HMGCLL1: variants seen among roughly 807,000 people sequenced by gnomAD.
HMGCLL1 encodes the protein 3-hydroxy-3-methylglutaryl-CoA lyase like 1.
HMGCLL1 carries 36 observed loss-of-function variants against 39.1 expected under a neutral mutation model. The ratio of observed to expected loss-of-function variants is 0.92; its 90% CI spans 0.71 to 1.22. HMGCLL1 has a LOEUF of 1.22. Among genes scored for constraint, HMGCLL1 ranks in the 50% most tolerant of loss-of-function variants. The pLI is 0.00. For synonymous variants in HMGCLL1, 149 were observed against 144.0 expected, an observed-to-expected ratio of 1.03 and a Z score of -0.25; for missense variants, 451 against 416.5, an observed-to-expected ratio of 1.08 and a Z score of -0.72.
chr6:55,448,139 C>A (rs1007150981), intron 7 of HMGCLL1, among the ~76,000 whole-genome samples: 1 of 151,816 alleles, frequency 6.6e-6, no homozygotes, highest in East Asian at 1.9e-4. Context: ...AAGAAGACAG[C>A]CAGAAATATT....
intron 6 of HMGCLL1, 25 bp downstream of exon 6, chr6:55,499,211 C>A: frequency 6.3e-7 from 1 of 1,588,254 alleles, no homozygotes; most frequent in Admixed American, 1.8e-5. Flanking sequence ...TACCATAAAC[C>A]AAAAAAGCTG....
At chr6:55,642,467 A>G in the HMGCLL1 span, among the ~76,000 whole-genome samples, 1 of 152,082 alleles carries the variant, frequency 6.6e-6, no homozygotes. Flanking sequence ...TTTTAAAAAA[A>G]ATTTATGGGT....
At chr6:55,510,514 C>T (rs913858661) in intron 5 of HMGCLL1, among the ~76,000 whole-genome samples, 1 of 150,902 alleles carries the variant, frequency 6.6e-6, no homozygotes, top group Admixed American at 6.6e-5. Context: ...AATTGGAAAT[C>T]ATCATTCTCG....
chr6:55,580,645 G>A (rs1403591376), upstream of HMGCLL1, among the ~76,000 whole-genome samples: 1 of 151,980 alleles, frequency 6.6e-6, no homozygotes, highest in Non-Finnish European at 1.5e-5. Flanking sequence ...TCGATCTCCT[G>A]ACCTCGTGGT....
chr6:55,618,178 T>C, the HMGCLL1 span, among the ~76,000 whole-genome samples: 3 of 152,080 alleles, frequency 2.0e-5, no homozygotes, highest in African/African-American at 7.2e-5. Context: ...GATGTTATAA[T>C]TGGTAAGAGA....
At chr6:55,564,064 T>C (rs1276241802) in intron 1 of HMGCLL1, 1 of 405,618 alleles carries the variant, frequency 2.5e-6, no homozygotes, top group African/African-American at 2.1e-5. Context: ...ATAGCATAAA[T>C]TCAAGTTCAA....
the HMGCLL1 span, among the ~76,000 whole-genome samples, chr6:55,663,666 A>G: frequency 6.6e-6 from 1 of 151,800 alleles, no homozygotes; most frequent in Non-Finnish European, 1.5e-5. Flanking sequence ...TTAGGTGGAG[A>G]GCTCTGGAGA....
chr6:55,568,898 T>A (rs767957881), intron 1 of HMGCLL1, among the ~76,000 whole-genome samples: 5 of 151,280 alleles, frequency 3.3e-5, no homozygotes, highest in Non-Finnish European at 5.9e-5. Context: ...TGGAAGGGGA[T>A]AGACACAGAA....
the HMGCLL1 span, among the ~76,000 whole-genome samples, chr6:55,630,573 T>A: frequency 6.6e-6 from 1 of 151,850 alleles, no homozygotes; most frequent in Non-Finnish European, 1.5e-5. Flanking sequence ...AGGGGTGAAA[T>A]GATATAATTT....
In HMGCLL1 at chr6:55,579,120, G is replaced by A; in HGVS notation, c.-65C>T. On this transcript the variant is annotated 5_prime_UTR_variant, in exon 1 of 9. Coordinates refer to ENST00000274901, the MANE Select transcript of HMGCLL1 (RefSeq NM_001042406.2). ...TGGAGGAGGATGAGGGGCGGGCACC[G>A]CGCTGGGAAACTGCGCCAGCTCGGG... The A allele has an allele frequency of 7.8e-7, 1 of 1,278,690 alleles. No homozygotes were observed. The highest frequency in any genetic ancestry group is 1.1e-6 in the Non-Finnish European group (1 of 898,496). The allele number at this position is 1,278,690 out of a possible 1,614,324, so 79.2% of individuals were successfully genotyped here.
chr6:55,522,517 A>G (rs1768090835), intron 3 of HMGCLL1, among the ~76,000 whole-genome samples: 1 of 151,956 alleles, frequency 6.6e-6, no homozygotes, highest in Non-Finnish European at 1.5e-5. Flanking sequence ...TACATAAGGA[A>G]CTGAGAGTTC....
chr6:55,632,387 T>C, the HMGCLL1 span, among the ~76,000 whole-genome samples: 1 of 150,624 alleles, frequency 6.6e-6, no homozygotes, highest in Non-Finnish European at 1.5e-5. Context: ...TGAATGAACA[T>C]ATTTTAATAT....
intron 3 of HMGCLL1, among the ~76,000 whole-genome samples, chr6:55,529,053 T>C (rs895661047): frequency 3.9e-5 from 6 of 152,220 alleles, no homozygotes; most frequent in Non-Finnish European, 8.8e-5. Context: ...TCAATAGCAT[T>C]TCCTAGTTTC....
the HMGCLL1 span, among the ~76,000 whole-genome samples, chr6:55,613,529 G>T: frequency 3.2e-4 from 48 of 152,142 alleles, no homozygotes; most frequent in Non-Finnish European, 6.2e-4. Flanking sequence ...CAATAGCAAA[G>T]ACATGGAACC....
the HMGCLL1 span, among the ~76,000 whole-genome samples, chr6:55,588,591 C>T: frequency 6.6e-6 from 1 of 151,832 alleles, no homozygotes; most frequent in East Asian, 1.9e-4. Flanking sequence ...ACAAAAAACC[C>T]TTTAAAAAAA....
At chr6:55,622,061 T>C in the HMGCLL1 span, among the ~76,000 whole-genome samples, 1 of 152,148 alleles carries the variant, frequency 6.6e-6, no homozygotes. Context: ...ACCTTCTTGA[T>C]TTCTTTTTCA....
chr6:55,583,998 A>G (rs1331701937), upstream of HMGCLL1, among the ~76,000 whole-genome samples: 2 of 152,042 alleles, frequency 1.3e-5, no homozygotes, highest in Non-Finnish European at 2.9e-5. Context: ...CCAATGGTTC[A>G]TGTTCATGGC....
intron 7 of HMGCLL1, among the ~76,000 whole-genome samples, chr6:55,445,064 G>A (rs952159795): frequency 1.3e-5 from 2 of 151,930 alleles, no homozygotes; most frequent in Admixed American, 6.6e-5. Flanking sequence ...CAATTTTAAA[G>A]AGTTTATTCA....
At chr6:55,516,080 T>C (rs1767721181) in intron 4 of HMGCLL1, among the ~76,000 whole-genome samples, 1 of 151,934 alleles carries the variant, frequency 6.6e-6, no homozygotes, top group Admixed American at 6.6e-5. Context: ...AAAATGACAA[T>C]TAGCTTTTCA....
Sources: allele counts gnomAD v4.1 joint callset (sites outside exome capture counted in the v4.1 genomes callset), GRCh38; gene constraint gnomAD v4.1.1; transcripts MANE v1.5; gene names NCBI Gene and HGNC (gene_info 2026-07-23, HGNC 2026-07-21).